BACE1: variants seen among roughly 807,000 people sequenced by gnomAD.
BACE1 encodes the protein APP beta-secretase.
In BACE1, 21 loss-of-function variants were observed where a neutral mutation model predicts 54.0. That is an observed-to-expected ratio of 0.39 (90% CI 0.28 to 0.56). The LOEUF (loss-of-function observed/expected upper bound fraction) is 0.56. BACE1 is among the 20% of genes least tolerant of loss of function. The pLI is 0.63. For missense variants in BACE1, 511 were observed against 661.2 expected (o/e 0.77, Z 2.49); for synonymous variants, 232 against 260.9 (o/e 0.89, Z 1.07).
In BACE1 at chr11:117,290,938, C is replaced by T. The variant is rs768315074; in HGVS notation, c.1054G>A (p.Val352Ile). The change falls in exon 7 of 9, where the codon GTT becomes ATT. Residue 352 changes from valine to isoleucine, a missense_variant. Transcript: ENST00000313005. ...GTGATGCGGAAGGACTGGTTGGTAA[C>T]CTCACCCATTAGGTAGAGTGAGATG... ...PVISLYLMGE[V>I]TNQSFRITIL... 84 of 1,614,032 alleles carry T rather than the reference C, an allele frequency of 5.2e-5. 1 individual carries two copies. The South Asian group carries it at 5.3e-4, about 10-fold the overall frequency.
intron 1 of BACE1, among the ~76,000 whole-genome samples, chr11:117,306,419 C>T (rs1021772065): frequency 1.3e-5 from 2 of 152,148 alleles, no homozygotes; most frequent in Non-Finnish European, 2.9e-5. Context: ...ACCTGTGTCA[C>T]GCTCAGCACA....
chr11:117,311,605 G>A (rs2034944323), intron 1 of BACE1, among the ~76,000 whole-genome samples: 2 of 152,070 alleles, frequency 1.3e-5, no homozygotes, highest in Admixed American at 1.3e-4. Context: ...TGTTGTGACA[G>A]CCCCCTGTGC....
In BACE1 at chr11:117,295,307, G is replaced by A; in HGVS notation, c.391C>T (p.Pro131Ser). Residue 131 changes from proline to serine, a missense_variant, in exon 3 of 9, where the codon CCC becomes TCC. Coordinates refer to ENST00000313005, the MANE Select transcript of BACE1 (RefSeq NM_012104.6). ...CCTTCCCACTTGCCCTGGGTGTAGG[G>A]CACATACACACCCTTCCGGAGGTCC... ...YRDLRKGVYVPYTQGKWEGEL... is the reference protein window; with the variant it reads ...YRDLRKGVYVSYTQGKWEGEL... 1 of 1,614,200 alleles carries A rather than the reference G, an allele frequency of 6.2e-7. No individual in the cohort carries two copies. The highest frequency in any genetic ancestry group is 8.5e-7 in the Non-Finnish European group (1 of 1,180,026).
At chr11:117,305,223 C>T (rs956304368) in intron 1 of BACE1, among the ~76,000 whole-genome samples, 3 of 152,152 alleles carry the variant, frequency 2.0e-5, no homozygotes, top group African/African-American at 7.2e-5. Flanking sequence ...TCAGCTTCAT[C>T]TGCTTTTCCT....
rs936162419 is a variant in BACE1, at chr11:117,285,810, C to T, written c.*3756G>A. ...AAAATTCACAGTCCGAGAATAACAA[C>T]ATAACCAGGTCCCAATTCCTCCATG... On this transcript the variant is annotated 3_prime_UTR_variant, in exon 9 of 9. Coordinates refer to ENST00000313005, the MANE Select transcript of BACE1 (RefSeq NM_012104.6). The T allele has an allele frequency of 2.0e-5, 3 of 152,342 alleles. No individual in the cohort carries two copies. Among genetic ancestry groups the T allele is most frequent in the African/African-American group, 7.2e-5 (3 of 41,444 alleles). The allele number at this position is 152,342 out of a possible 1,614,324, so 9.4% of individuals were successfully genotyped here. A position where few individuals can be genotyped will look rare whatever the true frequency, so the allele number is the denominator to read the frequency against.
At chr11:117,306,741 G>A (rs1313108926) in intron 1 of BACE1, among the ~76,000 whole-genome samples, 2 of 152,100 alleles carry the variant, frequency 1.3e-5, no homozygotes, top group African/African-American at 2.4e-5. Flanking sequence ...AACCCAGGAG[G>A]TGGAGGTTGC....
chr11:117,296,801 C>T, intron 2 of BACE1, 72 bp downstream of exon 2: 1 of 1,193,942 alleles, frequency 8.4e-7, no homozygotes, highest in Non-Finnish European at 1.2e-6. Flanking sequence ...TCTCTCTGTA[C>T]CCCTCCCCTG....
At chr11:117,310,002 G>A (rs902899513) in intron 1 of BACE1, among the ~76,000 whole-genome samples, 3 of 152,088 alleles carry the variant, frequency 2.0e-5, no homozygotes, top group Non-Finnish European at 2.9e-5. Flanking sequence ...TCCACCTCAC[G>A]GGCTCAAGCG....
intron 2 of BACE1, 98 bp downstream of exon 2, chr11:117,296,775 C>G (rs532785501): frequency 1.2e-5 from 12 of 962,896 alleles, no homozygotes; most frequent in Non-Finnish European, 1.9e-5. Context: ...AGAAGAAAAT[C>G]TGAGGATCAA....
At position 117,290,485 on chromosome 11, in the gene BACE1, C is replaced by CATT; in HGVS notation, c.1264+2_1264+3insAAT. 1 of 1,613,870 alleles carries CATT rather than the reference C, an allele frequency of 6.2e-7. No individual in the cohort carries two copies. The highest frequency in any genetic ancestry group is 8.5e-7 in the Non-Finnish European group (1 of 1,179,854). The stretch of plus-strand genomic sequence containing the variant: ...CCCAAACCCTCAGCCCTGGCACTCT[C>CATT]ACCATGGCAAGCGCTGACAGCAAAG... On this transcript the variant is annotated splice_region_variant and intron_variant, in intron 8 of 8. Transcript: ENST00000313005.
At position 117,300,782 on chromosome 11, in the gene BACE1, A is replaced by G. The variant is rs1347829075; in HGVS notation, c.262-3821T>C. ...CTCTTCCTTGGCCCTTTTCCCTCAC[A>G]TAGATACAGCCACCCCACCCTGGCC... is the stretch of plus-strand genomic sequence containing the variant. On this transcript the variant is annotated intron_variant, in intron 1 of 8. Coordinates refer to ENST00000313005, the MANE Select transcript of BACE1 (RefSeq NM_012104.6). Among the ~76,000 whole-genome samples, 8 of 152,098 alleles carry G rather than the reference A, an allele frequency of 5.3e-5. 1 individual carries two copies. In the South Asian group the frequency reaches 6.2e-4, roughly 12 times the overall value.
In BACE1 at chr11:117,290,556, A is replaced by G; in HGVS notation, c.1196T>C (p.Met399Thr). 6.2e-7 allele frequency: 1 copy of G among 1,614,232 alleles called. No individual in the cohort carries two copies. The highest frequency in any genetic ancestry group is 1.7e-5 in the Admixed American group (1 of 60,018). The change falls in exon 8 of 9, where the codon ATG becomes ACG. Residue 399 changes from methionine (M) to threonine (T), a missense_variant. Met to Thr is a moderately conservative substitution (Grantham distance 81, BLOSUM62 -1). Coordinates refer to ENST00000313005, the MANE Select transcript of BACE1 (RefSeq NM_012104.6). ...STGTVMGAVI[M>T]EGFYVVFDRA... The stretch of plus-strand genomic sequence containing the variant: ...ATCAAAGACAACGTAGAAGCCCTCC[A>G]TGATAACAGCTCCCATAACAGTGCC...
At position 117,315,801 on chromosome 11, in the gene BACE1, GC is replaced by G; in HGVS notation, c.-7del. The G allele has an allele frequency of 1.4e-6, 2 of 1,402,252 alleles. No individual in the cohort carries two copies. Among genetic ancestry groups the G allele is most frequent in the East Asian group, 3.0e-5 (1 of 33,034 alleles). 86.9% of individuals were successfully genotyped at this position (1,402,252 alleles called of 1,614,324 possible). ...CAGGGCAGGGCTTGGGCCATGGTGGGCCCCGGCCTTCGGGCCCTCTGGGCTC... is the reference window on the plus strand; with the variant it reads ...CAGGGCAGGGCTTGGGCCATGGTGGGCCCGGCCTTCGGGCCCTCTGGGCTC... On this transcript the variant is annotated 5_prime_UTR_variant, in exon 1 of 9. Transcript: ENST00000313005. The surrounding 1 kb of genome is among the most constrained non-coding windows in gnomAD (Gnocchi z 5.5).
intron 1 of BACE1, among the ~76,000 whole-genome samples, chr11:117,300,598 G>A (rs2134471650): frequency 6.6e-6 from 1 of 152,310 alleles, no homozygotes; most frequent in Admixed American, 6.5e-5. Context: ...CAGCAGCTGG[G>A]TTCCCCTCTC....
chr11:117,295,581 T>G (rs1392588808), intron 2 of BACE1: 1 of 1,535,654 alleles, frequency 6.5e-7, no homozygotes, highest in Non-Finnish European at 8.7e-7. Flanking sequence ...ATTGCTCATA[T>G]TCCTAGATCT....
Position 117,290,609 on chromosome 11 carries a change from G to C in BACE1, c.1143C>G (p.Tyr381Ter). ...EDVATSQDDCYKFAISQSSTG... is the reference protein window; with the variant it reads ...EDVATSQDDC Reference sequence around the variant, plus strand: ...TGGATGACTGTGAGATGGCAAACTTGTAACAGTCGTCTTGGGACGTGGCCA... The same window carrying C: ...TGGATGACTGTGAGATGGCAAACTTCTAACAGTCGTCTTGGGACGTGGCCA... Residue 381 changes from tyrosine to a stop codon, truncating the protein, a stop_gained, in exon 8 of 9, where the codon TAC (tyrosine) becomes TAG (stop). Coordinates refer to ENST00000313005, the MANE Select transcript of BACE1 (RefSeq NM_012104.6). LOFTEE classifies it high-confidence loss of function. 2 of 1,614,218 alleles carry C rather than the reference G, an allele frequency of 1.2e-6. No individual in the cohort carries two copies. Among genetic ancestry groups the C allele is most frequent in the Non-Finnish European group, 1.7e-6 (2 of 1,180,046 alleles).
At chr11:117,307,958 CA>C (rs1168928452) in intron 1 of BACE1, among the ~76,000 whole-genome samples, 1 of 142,048 alleles carries the variant, frequency 7.0e-6, no homozygotes, top group African/African-American at 2.6e-5. Flanking sequence ...CTTTTTATTG[CA>C]AAAACTCTTT....
rs1428759994 is a variant in BACE1, at chr11:117,293,105, G to C, written c.789C>G (p.Ile263Met). 1 of 1,613,918 alleles carries C rather than the reference G, an allele frequency of 6.2e-7. No homozygotes were observed. Among genetic ancestry groups the C allele is most frequent in the Non-Finnish European group, 8.5e-7 (1 of 1,180,014 alleles). ...GTCCATTGATCTCCACCCGCACAAT[G>C]ATCACCTCATAATACCACTCCCGCC... The part of the protein sequence containing the change: ...PIRREWYYEV[I>M]IVRVEINGQD... Residue 263 changes from isoleucine (I) to methionine (M), a missense_variant, in exon 5 of 9, where the codon ATC (isoleucine) becomes ATG (methionine). Physicochemically the swap from Ile to Met is conservative, Grantham distance 10 (BLOSUM62 1). Coordinates refer to ENST00000313005, the MANE Select transcript of BACE1 (RefSeq NM_012104.6). This position sits in a 1 kb window ranked among gnomAD's most constrained non-coding sequence, Gnocchi z 4.1.
chr11:117,311,505 G>A (rs1010416738), intron 1 of BACE1, among the ~76,000 whole-genome samples: 2 of 152,018 alleles, frequency 1.3e-5, no homozygotes, highest in African/African-American at 4.8e-5. Context: ...CACCTGCCCT[G>A]GCACGTTCTC....
Sources: gnomAD v4.1 joint callset for allele counts (sites outside exome capture counted in the v4.1 genomes callset) on GRCh38, gnomAD v4.1.1 for gene constraint, Gnocchi (gnomAD v3.1) non-coding constraint, MANE v1.5 for transcripts, NCBI Gene and HGNC (gene_info 2026-07-23, HGNC 2026-07-21) for gene names.